The following TENM2 variants were observed in gnomAD, a reference collection of about 807,000 sequenced individuals.
The protein encoded by TENM2 is teneurin transmembrane protein 2, also known as teneurin-2.
A neutral mutation model predicts 245.2 loss-of-function variants in TENM2; 52 were observed. The ratio of observed to expected loss-of-function variants is 0.21; its 90% CI spans 0.17 to 0.27. The LOEUF is 0.27. TENM2 is among the 10% of genes least tolerant of loss of function. TENM2 has a pLI of 1.00. For synonymous variants in TENM2, 1,363 were observed against 1,438.9 expected (o/e 0.95, Z 1.19); for missense variants, 3,046 against 3,666.8 (o/e 0.83, Z 4.37).
chr5:167,698,757 C>A (rs1220031710), intron 2 of TENM2, among the ~76,000 whole-genome samples: 1 of 143,682 alleles, frequency 7.0e-6, no homozygotes, highest in African/African-American at 2.7e-5. Context: ...GATCTCTGCT[C>A]ACTGCCAGCT....
chr5:167,434,768 A>G (rs926862455), intron 2 of TENM2, among the ~76,000 whole-genome samples: 2 of 152,208 alleles, frequency 1.3e-5, no homozygotes, highest in Admixed American at 6.5e-5. Context: ...AAGGCTTAAA[A>G]TATTAGAATA....
At chr5:167,048,632 T>C in the TENM2 span, among the ~76,000 whole-genome samples, 1 of 152,212 alleles carries the variant, frequency 6.6e-6, no homozygotes, top group South Asian at 2.1e-4. Context: ...CTGATTTCAT[T>C]AAATCAGGAA....
chr5:167,122,543 C>A, the TENM2 span, among the ~76,000 whole-genome samples: 1 of 152,190 alleles, frequency 6.6e-6, no homozygotes, highest in African/African-American at 2.4e-5. Flanking sequence ...TAAATCCAGG[C>A]AAATGTGTAA....
intron 2 of TENM2, among the ~76,000 whole-genome samples, chr5:167,869,199 T>A (rs1396190732): frequency 6.6e-6 from 1 of 152,098 alleles, no homozygotes; most frequent in Non-Finnish European, 1.5e-5. Flanking sequence ...ATAAGGCAGG[T>A]ATGAAGGAAG....
chr5:167,859,749 C>CT (rs1771535093), intron 2 of TENM2, among the ~76,000 whole-genome samples: 2 of 95,536 alleles, frequency 2.1e-5, no homozygotes, highest in African/African-American at 5.1e-5. Context: ...ATCAGCCCCC[C>CT]GCCCGGCCAG....
intron 3 of TENM2, among the ~76,000 whole-genome samples, chr5:167,933,496 AATTATGCTC>A (rs1778446245): frequency 2.0e-5 from 3 of 152,284 alleles, no homozygotes; most frequent in African/African-American, 7.2e-5. Flanking sequence ...TTAAATGTTG[AATTATGCTC>A]ATTATGCTCT....
the TENM2 span, among the ~76,000 whole-genome samples, chr5:167,160,529 G>T: frequency 3.9e-4 from 59 of 152,346 alleles, no homozygotes; most frequent in East Asian, 0.011. Context: ...CTCTGCATTT[G>T]CTTTTTCCAC....
chr5:167,131,719 T>C, the TENM2 span, among the ~76,000 whole-genome samples: 1 of 151,956 alleles, frequency 6.6e-6, no homozygotes, highest in African/African-American at 2.4e-5. Flanking sequence ...AATGGAAAAA[T>C]GTACTCTCCT....
chr5:167,814,205 T>G (rs1389632810), intron 2 of TENM2, among the ~76,000 whole-genome samples: 1 of 152,132 alleles, frequency 6.6e-6, no homozygotes, highest in Non-Finnish European at 1.5e-5. Context: ...CAAGGGAATC[T>G]CTACAAACAC....
chr5:168,200,214 A>G, intron 17 of TENM2, 83 bp downstream of exon 19: 1 of 1,289,782 alleles, frequency 7.8e-7, no homozygotes, highest in Admixed American at 2.2e-5. Flanking sequence ...TTCCGAGGAT[A>G]TGCCAAGCAC....
chr5:167,782,180 G>A (rs896441587), intron 2 of TENM2, among the ~76,000 whole-genome samples: 1 of 151,624 alleles, frequency 6.6e-6, no homozygotes, highest in African/African-American at 2.4e-5. Context: ...GGGCATGGTA[G>A]CGCATGCCTG....
At chr5:167,093,951 C>T in the TENM2 span, among the ~76,000 whole-genome samples, 12 of 152,118 alleles carry the variant, frequency 7.9e-5, no homozygotes, top group African/African-American at 2.2e-4. Flanking sequence ...CAGTGGATGA[C>T]GGGAAATGCC....
intron 3 of TENM2, among the ~76,000 whole-genome samples, chr5:167,946,908 A>T (rs1336221073): frequency 6.6e-6 from 1 of 152,178 alleles, no homozygotes; most frequent in Admixed American, 6.5e-5. Flanking sequence ...GCAGCCATGG[A>T]CAATATTATT....
At chr5:167,743,591 C>T (rs1761352923) in intron 2 of TENM2, among the ~76,000 whole-genome samples, 2 of 152,106 alleles carry the variant, frequency 1.3e-5, no homozygotes, top group Admixed American at 1.3e-4. Flanking sequence ...CAATGGCAAA[C>T]ACGGCTCAGC....
At chr5:167,340,467 T>A (rs562373168) in intron 1 of TENM2, among the ~76,000 whole-genome samples, 2 of 152,344 alleles carry the variant, frequency 1.3e-5, no homozygotes, top group East Asian at 3.9e-4. Context: ...CTCCATGACT[T>A]GCAAATGTCT....
At chr5:168,259,378 G>A (rs896337031) in intron 27 of TENM2, among the ~76,000 whole-genome samples, 4 of 151,884 alleles carry the variant, frequency 2.6e-5, no homozygotes, top group African/African-American at 9.7e-5. Flanking sequence ...ACCTGAGGTC[G>A]GGAGTTCGAA....
chr5:167,395,117 A>G (rs1761979296), intron 2 of TENM2, among the ~76,000 whole-genome samples: 1 of 152,152 alleles, frequency 6.6e-6, no homozygotes, highest in Non-Finnish European at 1.5e-5. Context: ...AAGTCTTCCA[A>G]TCCATGGACA....
At chr5:168,134,678 ACT>A (rs1463502198) in intron 12 of TENM2, among the ~76,000 whole-genome samples, 2 of 151,968 alleles carry the variant, frequency 1.3e-5, no homozygotes, top group Admixed American at 6.6e-5. Flanking sequence ...CAAGAGTGAA[ACT>A]CTGTCTCAAA....
At chr5:167,143,376 C>G in the TENM2 span, among the ~76,000 whole-genome samples, 479 of 152,282 alleles carry the variant, frequency 3.1e-3, 3 homozygotes, top group African/African-American at 0.011. Context: ...AATAGGTTTT[C>G]TATGCTTTTA....
Sources: allele counts gnomAD v4.1 joint callset (sites outside exome capture counted in the v4.1 genomes callset), GRCh38; gene constraint gnomAD v4.1.1; transcripts MANE v1.5; gene names NCBI Gene and HGNC (gene_info 2026-07-23, HGNC 2026-07-21).